Variants in PFAS observed in about 807,000 individuals in gnomAD.
PFAS encodes the protein FGAM synthase.
Under a neutral mutation model 140.6 loss-of-function variants are expected in PFAS, and 97 were observed. The ratio of observed to expected loss-of-function variants is 0.69; its 90% CI spans 0.59 to 0.82. PFAS has a LOEUF of 0.82. PFAS is among the 40% of genes least tolerant of loss of function. The pLI is 0.00. For missense variants in PFAS, 1,656 were observed against 1,780.2 expected, an observed-to-expected ratio of 0.93 and a Z score of 1.26; for synonymous variants, 679 against 718.8, an observed-to-expected ratio of 0.94 and a Z score of 0.88.
At chr17:8,256,430 G>C (rs1220663070) in intron 7 of PFAS, 23 bp downstream of exon 7, 3 of 1,613,982 alleles carry the variant, frequency 1.9e-6, no homozygotes, top group Non-Finnish European at 2.5e-6. Context: ...AGACTGGGTT[G>C]GCGTCAGGAC....
In PFAS at chr17:8,263,281, G is replaced by A; in HGVS notation, c.1567+16G>A. 1 of 1,613,834 alleles carries A rather than the reference G, an allele frequency of 6.2e-7. No individual in the cohort carries two copies. The highest frequency in any genetic ancestry group is 8.5e-7 in the Non-Finnish European group (1 of 1,179,850). On this transcript the variant is annotated intron_variant, in intron 13 of 27. Coordinates refer to ENST00000314666, the MANE Select transcript of PFAS (RefSeq NM_012393.3). ...GGTGGCAATGGTGAGGAAAGGAGTT[G>A]GAACAAGAGACTGGGCCTGCCTGGT...
chr17:8,255,401 C>A, intron 4 of PFAS, 101 bp from the exon 5 acceptor site: 1 of 895,730 alleles, frequency 1.1e-6, no homozygotes, highest in Non-Finnish European at 1.7e-6. Flanking sequence ...TATGGTGTGG[C>A]AGTGGGCTAG....
At chr17:8,250,965 CT>C (rs59091857) in intron 1 of PFAS, among the ~76,000 whole-genome samples, 59,676 of 147,110 alleles carry the variant, frequency 0.41, 12,800 homozygotes, top group Non-Finnish European at 0.5. Flanking sequence ...CTGTGGGAGT[CT>C]TTTTTTTTTT....
intron 9 of PFAS, among the ~76,000 whole-genome samples, chr17:8,257,449 A>G (rs1339673684): frequency 2.6e-5 from 4 of 152,108 alleles, no homozygotes; most frequent in Admixed American, 6.5e-5. Context: ...CCAGCTACTC[A>G]GGAGGCTGAG....
intron 10 of PFAS, 61 bp from the exon 11 acceptor site, chr17:8,258,010 G>T: frequency 6.2e-7 from 1 of 1,612,628 alleles, no homozygotes; most frequent in Non-Finnish European, 8.5e-7. Context: ...CCCAGGGGCT[G>T]TGCTATTGGG....
chr17:8,260,360 G>A (rs1234132565), intron 11 of PFAS, among the ~76,000 whole-genome samples: 1 of 152,168 alleles, frequency 6.6e-6, no homozygotes, highest in Non-Finnish European at 1.5e-5. Flanking sequence ...TAAGCAAAAT[G>A]TCATTAGTCA....
At chr17:8,257,046 T>C in intron 9 of PFAS, 83 bp downstream of exon 9, 1 of 1,449,868 alleles carries the variant, frequency 6.9e-7, no homozygotes, top group Non-Finnish European at 9.7e-7. Context: ...GTTAGGTCCA[T>C]AGGGTTATCC....
chr17:8,258,336 G>A, intron 11 of PFAS, 137 bp downstream of exon 11: 1 of 940,722 alleles, frequency 1.1e-6, no homozygotes, highest in East Asian at 2.5e-5. Flanking sequence ...CATAATGATG[G>A]ACAACTCATT....
rs751878137 is a variant in PFAS at position 8,255,831 on chromosome 17, G to C, written c.601G>C (p.Asp201His). 21 of 1,613,988 alleles carry C rather than the reference G, an allele frequency of 1.3e-5. No homozygotes were observed. The highest frequency in any genetic ancestry group is 1.7e-5 in the Non-Finnish European group (20 of 1,180,004). ...TCTGGCTTTAGACTCTTGGGACCTA[G>C]ACTTCTACACCAAGCGCTTCCAGGA... ...LGLALDSWDL[D>H]FYTKRFQELQ... is the part of the protein sequence containing the mutation. Residue 201 changes from aspartate to histidine, a missense_variant, in exon 6 of 28, where the codon GAC becomes CAC. Asp to His is a moderately conservative substitution (Grantham distance 81). Transcript: ENST00000314666.
chr17:8,248,238 TTC>T (rs1411091538), upstream of PFAS: 2 of 589,102 alleles, frequency 3.4e-6, no homozygotes, highest in Non-Finnish European at 6.1e-6. Context: ...CCTGTCTCTT[TTC>T]TCTGATTTTT....
chr17:8,258,220 TC>T (rs1307096624), intron 11 of PFAS, 21 bp downstream of exon 11: 1 of 1,612,946 alleles, frequency 6.2e-7, no homozygotes. Flanking sequence ...GCCACCTTTC[TC>T]TGGATCCAGC....
chr17:8,251,844 T>C (rs926891853), intron 1 of PFAS, among the ~76,000 whole-genome samples: 5 of 151,920 alleles, frequency 3.3e-5, no homozygotes, highest in African/African-American at 1.2e-4. Flanking sequence ...GCTAATTTTT[T>C]GTATTTTTAA....
intron 4 of PFAS, 61 bp from the exon 5 acceptor site, chr17:8,255,441 G>C (rs1989320416): frequency 7.9e-7 from 1 of 1,273,124 alleles, no homozygotes; most frequent in Admixed American, 2.4e-5. Flanking sequence ...TAGGAAGGTG[G>C]ACCATTTCTC....
In PFAS at chr17:8,266,485, GCTGT is replaced by G. The variant is rs2151595557; in HGVS notation, c.2821+135_2821+138del. On this transcript the variant is annotated intron_variant, in intron 22 of 27. Transcript: ENST00000314666. The surrounding 1 kb of genome is among the most constrained non-coding windows in gnomAD (Gnocchi z 5.0). ...AGTCTTCCCTGACTAGCTTTTCTGT[GCTGT>G]CTCTCTGACAGCTGAACTGGATGGA... is the stretch of plus-strand genomic sequence containing the variant. The G allele has an allele frequency of 1.3e-6, 2 of 1,499,698 alleles. No homozygotes were observed. The highest frequency in any genetic ancestry group is 2.7e-5 in the South Asian group (2 of 73,910). The allele number at this position is 1,499,698 out of a possible 1,614,324, so 92.9% of individuals were successfully genotyped here. A position where few individuals can be genotyped will look rare whatever the true frequency, so the allele number is the denominator to read the frequency against.
intron 11 of PFAS, among the ~76,000 whole-genome samples, chr17:8,261,178 A>T (rs1038768559): frequency 9.2e-5 from 14 of 151,480 alleles, no homozygotes; most frequent in Admixed American, 8.6e-4. Context: ...GCAGTATTTC[A>T]TTGTGGATTT....
intron 11 of PFAS, among the ~76,000 whole-genome samples, chr17:8,259,945 T>G (rs1317687294): frequency 1.3e-5 from 2 of 151,722 alleles, no homozygotes; most frequent in Non-Finnish European, 2.9e-5. Flanking sequence ...TGCCAAAAAT[T>G]CAAATATTAG....
intron 3 of PFAS, among the ~76,000 whole-genome samples, chr17:8,254,626 AG>A (rs1273192697): frequency 6.6e-6 from 1 of 152,112 alleles, no homozygotes; most frequent in Non-Finnish European, 1.5e-5. Flanking sequence ...AACACGGTGA[AG>A]CCTCGTCTCT....
chr17:8,262,964 G>T lies in PFAS; in HGVS notation c.1381G>T (p.Val461Phe). The change falls in exon 12 of 28, where the codon GTT (valine) becomes TTT (phenylalanine). Residue 461 changes from valine to phenylalanine, a missense_variant. Val to Phe is a conservative substitution (Grantham distance 50, BLOSUM62 -1). Coordinates refer to ENST00000314666, the MANE Select transcript of PFAS (RefSeq NM_012393.3). ...TGGAGGTCCCGTCTACAGGATTGGA[G>T]TTGGAGGTGGAGCTGCTTCATCTGT... The part of the protein sequence containing the change: ...KVGGPVYRIG[V>F]GGGAASSVQV... 6.2e-7 allele frequency: 1 copy of T among 1,614,112 alleles called. No individual in the cohort carries two copies. Among genetic ancestry groups the T allele is most frequent in the Non-Finnish European group, 8.5e-7 (1 of 1,179,964 alleles).
chr17:8,264,380 C>T, intron 16 of PFAS, 43 bp downstream of exon 16: 3 of 1,612,590 alleles, frequency 1.9e-6, no homozygotes, highest in Non-Finnish European at 2.5e-6. Flanking sequence ...TGGTCCTCTC[C>T]ACACCACCCT....
Sources: allele counts gnomAD v4.1 joint callset (sites outside exome capture counted in the v4.1 genomes callset), GRCh38; gene constraint gnomAD v4.1.1; non-coding constraint Gnocchi (gnomAD v3.1); transcripts MANE v1.5; gene names NCBI Gene and HGNC (gene_info 2026-07-23, HGNC 2026-07-21).